The following PRR14L variants were observed in gnomAD, a reference collection of about 807,000 sequenced individuals.
PRR14L encodes the protein protein PRR14L.
PRR14L carries 80 observed loss-of-function variants against 155.0 expected under a neutral mutation model. That is an observed-to-expected ratio of 0.52 (90% confidence interval 0.43 to 0.62). The LOEUF (loss-of-function observed/expected upper bound fraction) is 0.62. PRR14L is among the 20% of genes least tolerant of loss of function. PRR14L has a pLI of 0.00. For missense variants in PRR14L, 2,469 were observed against 2,548.0 expected, an observed-to-expected ratio of 0.97 and a Z score of 0.67; for synonymous variants, 883 against 916.0, an observed-to-expected ratio of 0.96 and a Z score of 0.65.
chr22:31,698,636 A>G (rs1601495001), intron 7 of PRR14L, among the ~76,000 whole-genome samples: 1 of 152,056 alleles, frequency 6.6e-6, no homozygotes, highest in African/African-American at 2.4e-5. Context: ...CTAATACTAA[A>G]GTGGCTGGGC....
At chr22:31,703,138 C>T (rs2147857842) in intron 6 of PRR14L, among the ~76,000 whole-genome samples, 1 of 152,268 alleles carries the variant, frequency 6.6e-6, no homozygotes, top group East Asian at 1.9e-4. Context: ...TAAGCAACTA[C>T]TCCCTTCATA....
At chr22:31,693,398 T>C (rs1318183994) in intron 7 of PRR14L, among the ~76,000 whole-genome samples, 1 of 152,226 alleles carries the variant, frequency 6.6e-6, no homozygotes, top group African/African-American at 2.4e-5. Flanking sequence ...CTCCATATCA[T>C]TTATATCATT....
chr22:31,735,308 G>A (rs944580715), intron 2 of PRR14L, among the ~76,000 whole-genome samples: 2 of 152,142 alleles, frequency 1.3e-5, no homozygotes, highest in South Asian at 2.1e-4. Flanking sequence ...AGGCGTCATG[G>A]CGGGCGCCTG....
intron 2 of PRR14L, among the ~76,000 whole-genome samples, chr22:31,731,293 C>T (rs183124138): frequency 6.8e-4 from 104 of 152,072 alleles, no homozygotes; most frequent in African/African-American, 2.4e-3. Flanking sequence ...GGCTGGGCGC[C>T]GTGGCTCATG....
chr22:31,738,532 C>G lies in PRR14L; in HGVS notation c.329G>C (p.Arg110Thr), dbSNP rs1477023868. ...CTCCATGCTCTCGCTTCTCTTTGCCCTATCCAAGATCCCAGATGCCACAGA... is the reference window on the plus strand; with the variant it reads ...CTCCATGCTCTCGCTTCTCTTTGCCGTATCCAAGATCCCAGATGCCACAGA... ...GGSVASGILD[R>T]AKRSESMEPK... The change falls in exon 2 of 9, where the codon AGG (arginine) becomes ACG (threonine). Residue 110 changes from arginine (R) to threonine (T), a missense_variant. Physicochemically the swap from Arg to Thr is moderately conservative, Grantham distance 71. Coordinates refer to ENST00000327423, the MANE Select transcript of PRR14L (RefSeq NM_173566.3). 6.4e-7 allele frequency: 1 copy of G among 1,552,034 alleles called. No individual in the cohort carries two copies. Among genetic ancestry groups the G allele is most frequent in the Non-Finnish European group, 8.7e-7 (1 of 1,147,074 alleles).
Position 31,716,047 on chromosome 22 carries a change from G to A in PRR14L, c.1792C>T (p.Leu598=), listed in dbSNP as rs2074657369. The A allele has an allele frequency of 6.4e-7, 1 of 1,550,584 alleles. No homozygotes were observed. Among genetic ancestry groups the A allele is most frequent in the Non-Finnish European group, 8.7e-7 (1 of 1,146,888 alleles). The change falls in exon 4 of 9, where the codon CTA becomes TTA. Residue 598 remains leucine (L), a synonymous_variant. Coordinates refer to ENST00000327423, the MANE Select transcript of PRR14L (RefSeq NM_173566.3). ...CTGTAATCAAATTCTGGGGATGGTA[G>A]CAACAGAGCAGTACCTTGCTTGGGT... ...LKPKQGTALL[L]PSPEFDYRPE... is the part of the protein sequence containing the mutation.
intron 2 of PRR14L, among the ~76,000 whole-genome samples, chr22:31,731,696 C>T (rs2074751184): frequency 6.6e-6 from 1 of 151,706 alleles, no homozygotes; most frequent in Non-Finnish European, 1.5e-5. Context: ...TCATTATCCA[C>T]ATATATTTAC....
intron 7 of PRR14L, among the ~76,000 whole-genome samples, chr22:31,701,239 C>T (rs1227328468): frequency 2.0e-5 from 3 of 151,376 alleles, no homozygotes; most frequent in Non-Finnish European, 4.4e-5. Flanking sequence ...CTCCCCACCT[C>T]GGCCTCCCAA....
At chr22:31,735,440 C>CAA (rs11443258) in intron 2 of PRR14L, among the ~76,000 whole-genome samples, 1,964 of 105,218 alleles carry the variant, frequency 0.019, 15 homozygotes, top group Middle Eastern at 0.05. Flanking sequence ...GAATCTGTCT[C>CAA]AAAAAAAAAA....
rs1378950641 is a variant in PRR14L at position 31,685,754 on chromosome 22, T to G, written c.6229A>C (p.Ile2077Leu). The G allele has an allele frequency of 6.4e-7, 1 of 1,551,644 alleles. No individual in the cohort carries two copies. The highest frequency in any genetic ancestry group is 2.0e-5 in the Admixed American group (1 of 50,986). Reference sequence around the variant, plus strand: ...TTCCTCTTCTGTTGGCTGATTGAGATTAGTGTACCATTTCGTTCCTTGGGT... The same window carrying G: ...TTCCTCTTCTGTTGGCTGATTGAGAGTAGTGTACCATTTCGTTCCTTGGGT... Reference protein sequence around the residue: ...EEPKERNGTLISISQQKRKRV... With the variant: ...EEPKERNGTLLSISQQKRKRV... The change falls in exon 9 of 9, where the codon ATC becomes CTC. Residue 2077 changes from isoleucine to leucine, a missense_variant. By Grantham distance (5) the Ile-to-Leu change is conservative (BLOSUM62 2). Coordinates refer to ENST00000327423, the MANE Select transcript of PRR14L (RefSeq NM_173566.3).
Position 31,738,621 on chromosome 22 carries a change from A to G in PRR14L, c.240T>C (p.Tyr80=). 1 of 1,552,082 alleles carries G rather than the reference A, an allele frequency of 6.4e-7. No individual in the cohort carries two copies. Among genetic ancestry groups the G allele is most frequent in the Non-Finnish European group, 8.7e-7 (1 of 1,147,056 alleles). The stretch of plus-strand genomic sequence containing the variant: ...GCTCACTCCCATGATCCAAGGTCTC[A>G]TAGGTTTCTTCACAACAACTCTCCA... ...THVESCCEET[Y]ETLDHGSEPG... Residue 80 remains tyrosine (Y), a synonymous_variant, in exon 2 of 9, where the codon TAT becomes TAC. Coordinates refer to ENST00000327423, the MANE Select transcript of PRR14L (RefSeq NM_173566.3).
At chr22:31,746,738 G>A (rs906292985) in intron 1 of PRR14L, among the ~76,000 whole-genome samples, 2 of 151,570 alleles carry the variant, frequency 1.3e-5, no homozygotes, top group African/African-American at 4.8e-5. Context: ...CTTTTACGTT[G>A]AGGACAATTA....
chr22:31,709,565 G>A (rs576067522), intron 4 of PRR14L, among the ~76,000 whole-genome samples: 16 of 120,442 alleles, frequency 1.3e-4, no homozygotes, highest in Non-Finnish European at 2.5e-4. Flanking sequence ...TTTTTGAGAC[G>A]GAGTCTTGCT....
intron 1 of PRR14L, among the ~76,000 whole-genome samples, chr22:31,749,047 CTTTTT>C (rs1011260403): frequency 2.6e-5 from 4 of 152,230 alleles, no homozygotes; most frequent in Admixed American, 2.0e-4. Flanking sequence ...TATTAGTTTT[CTTTTT>C]TAACAGATTA....
At chr22:31,727,392 C>A (rs2074722423) in intron 2 of PRR14L, among the ~76,000 whole-genome samples, 1 of 151,884 alleles carries the variant, frequency 6.6e-6, no homozygotes, top group Non-Finnish European at 1.5e-5. Context: ...CGCCGCCACA[C>A]CTGGTTAATT....
In PRR14L at chr22:31,733,551, C is replaced by T. The variant is rs193052945; in HGVS notation, c.474+4836G>A. Among the ~76,000 whole-genome samples the T allele has an allele frequency of 1.3e-3, 201 of 152,176 alleles. 1 individual carries two copies. The highest frequency in any genetic ancestry group is 4.6e-3 in the African/African-American group (191 of 41,520). The stretch of plus-strand genomic sequence containing the variant: ...AACTCCTGATCTCAGGTGATCCACC[C>T]GCCTCGGCCCCCCGAAGCGCTAGGA... On this transcript the variant is annotated intron_variant, in intron 2 of 8. Coordinates refer to ENST00000327423, the MANE Select transcript of PRR14L (RefSeq NM_173566.3).
rs758451724 is a variant in PRR14L, at chr22:31,712,875, C to T, written c.4964G>A (p.Arg1655Lys). Residue 1655 changes from arginine (R) to lysine (K), a missense_variant, in exon 4 of 9, where the codon AGA (arginine) becomes AAA (lysine). Coordinates refer to ENST00000327423, the MANE Select transcript of PRR14L (RefSeq NM_173566.3). ...AAATCCGTCCAGGAGTCTTTTATATCTGAGGCGCTTGTAGCTTTTAGCCAT... is the reference window on the plus strand; with the variant it reads ...AAATCCGTCCAGGAGTCTTTTATATTTGAGGCGCTTGTAGCTTTTAGCCAT... ...LPMAKSYKRLRYKRLLDGFSS... is the reference protein window; with the variant it reads ...LPMAKSYKRLKYKRLLDGFSS... 6.4e-6 allele frequency: 10 copies of T among 1,551,932 alleles called. No homozygotes were observed. In the East Asian group the frequency reaches 7.3e-5, roughly 11 times the overall value.
intron 3 of PRR14L, among the ~76,000 whole-genome samples, chr22:31,723,281 A>C (rs1245688298): frequency 5.9e-5 from 9 of 152,164 alleles, no homozygotes. Flanking sequence ...ACATGAAGAA[A>C]AGTGTCACAG....
rs146865110 is a variant in PRR14L, at chr22:31,731,091, T to C, written c.475-5481A>G. On this transcript the variant is annotated intron_variant, in intron 2 of 8. Transcript: ENST00000327423. ...GCCACAAATTGCTCCGGGCACATCT[T>C]GCGTTTTTCCCTCTCCTGTCCTGGA... Among the ~76,000 whole-genome samples the C allele has an allele frequency of 4.1e-4, 63 of 152,298 alleles. No homozygotes were observed. In the East Asian group the frequency reaches 0.012, roughly 28 times the overall value.
Sources: allele counts gnomAD v4.1 joint callset (sites outside exome capture counted in the v4.1 genomes callset), GRCh38; gene constraint gnomAD v4.1.1; transcripts MANE v1.5; gene names NCBI Gene and HGNC (gene_info 2026-07-23, HGNC 2026-07-21).